Variants in ANK3 observed in about 807,000 individuals in gnomAD.
ANK3 encodes ankyrin-3.
In ANK3, 57 loss-of-function variants were observed where a neutral mutation model predicts 370.9. That is an observed-to-expected ratio of 0.15 (90% confidence interval 0.12 to 0.19). The LOEUF is 0.19. ANK3 is among the 10% of genes least tolerant of loss of function. ANK3 has a pLI of 1.00. For synonymous variants in ANK3, 1,929 were observed against 1,946.3 expected (o/e 0.99, Z 0.23); for missense variants, 4,439 against 5,302.1 (o/e 0.84, Z 5.06).
In ANK3 at chr10:60,075,781, G is replaced by C; in HGVS notation, c.5100C>G (p.Leu1700=). 1 of 1,614,168 alleles carries C rather than the reference G, an allele frequency of 6.2e-7. No homozygotes were observed. Among genetic ancestry groups the C allele is most frequent in the Non-Finnish European group, 8.5e-7 (1 of 1,180,000 alleles). The part of the protein sequence containing the change: ...SSAKITMASS[L]SSPVKQMPGH... ...CAGGCATCTGCTTCACAGGTGATGAGAGAGAAGATGCCATTGTAATTTTGG... is the reference window on the plus strand; with the variant it reads ...CAGGCATCTGCTTCACAGGTGATGACAGAGAAGATGCCATTGTAATTTTGG... Residue 1700 remains leucine (L), a synonymous_variant, in exon 37 of 44, where the codon CTC becomes CTG. Transcript: ENST00000280772.
chr10:60,194,639 T>C (rs995521825), intron 16 of ANK3, among the ~76,000 whole-genome samples: 1 of 152,236 alleles, frequency 6.6e-6, no homozygotes, highest in Non-Finnish European at 1.5e-5. Flanking sequence ...ACAGTGAGTA[T>C]ATGCATTCAT....
At chr10:60,454,950 T>C (rs2064708893) in intron 2 of ANK3, among the ~76,000 whole-genome samples, 1 of 152,198 alleles carries the variant, frequency 6.6e-6, no homozygotes, top group Non-Finnish European at 1.5e-5. Context: ...TTGGACATTA[T>C]TGTAAAAACT....
At chr10:60,654,318 A>G (rs992728148) in intron 1 of ANK3, among the ~76,000 whole-genome samples, 3 of 152,150 alleles carry the variant, frequency 2.0e-5, no homozygotes, top group South Asian at 4.2e-4. Context: ...GCTTTACTAC[A>G]TTAATTAGGA....
chr10:60,498,998 T>C (rs2075729012), intron 2 of ANK3, among the ~76,000 whole-genome samples: 1 of 152,238 alleles, frequency 6.6e-6, no homozygotes, highest in African/African-American at 2.4e-5. Flanking sequence ...TCTCACAGTA[T>C]CTTAATCACA....
intron 25 of ANK3, among the ~76,000 whole-genome samples, chr10:60,128,440 C>A (rs530809600): frequency 6.6e-6 from 1 of 151,240 alleles, no homozygotes; most frequent in South Asian, 2.1e-4. Context: ...AGTGCAGTGG[C>A]GCAATCTCAG....
chr10:60,395,593 T>C (rs914019721), intron 2 of ANK3, among the ~76,000 whole-genome samples: 1 of 124,820 alleles, frequency 8.0e-6, no homozygotes, highest in East Asian at 2.5e-4. Context: ...TCTTTCTTTC[T>C]TTCTTTCTTT....
intron 43 of ANK3, among the ~76,000 whole-genome samples, chr10:60,038,825 C>A (rs1217993839): frequency 6.6e-6 from 1 of 152,164 alleles, no homozygotes; most frequent in Non-Finnish European, 1.5e-5. Context: ...ACTGATCTAT[C>A]ATTTCTTCAA....
In ANK3 at chr10:60,284,499, A is replaced by G. The variant is rs143785662; in HGVS notation, c.115-4860T>C. Among the ~76,000 whole-genome samples the G allele has an allele frequency of 9.3e-4, 142 of 152,286 alleles. 1 individual carries two copies. The highest frequency in any genetic ancestry group is 3.2e-3 in the African/African-American group (133 of 41,556). Reference sequence around the variant, plus strand: ...CAAACCCAGTCTGGCTCTGGAGTCTAGGCTGTTAATCACCATTCTAAGAAA... The same window carrying G: ...CAAACCCAGTCTGGCTCTGGAGTCTGGGCTGTTAATCACCATTCTAAGAAA... On this transcript the variant is annotated intron_variant, in intron 1 of 43. Coordinates refer to ENST00000280772, the MANE Select transcript of ANK3 (RefSeq NM_020987.5).
intron 23 of ANK3, among the ~76,000 whole-genome samples, chr10:60,164,656 G>A (rs2095578481): frequency 6.6e-6 from 1 of 152,128 alleles, no homozygotes; most frequent in African/African-American, 2.4e-5. Flanking sequence ...GATGCTACAG[G>A]AAGTTCAATA....
chr10:60,586,958 A>G (rs1236433941), intron 2 of ANK3, among the ~76,000 whole-genome samples: 1 of 152,210 alleles, frequency 6.6e-6, no homozygotes, highest in Non-Finnish European at 1.5e-5. Context: ...TAGATGTATT[A>G]GTCCATTTTC....
chr10:60,336,813 T>C (rs1033317249), intron 1 of ANK3, among the ~76,000 whole-genome samples: 1 of 152,168 alleles, frequency 6.6e-6, no homozygotes, highest in African/African-American at 2.4e-5. Flanking sequence ...GAACAAAGTG[T>C]ATATTCAGTA....
chr10:60,290,634 TG>T (rs966314286), intron 1 of ANK3, among the ~76,000 whole-genome samples: 3 of 152,196 alleles, frequency 2.0e-5, no homozygotes, highest in African/African-American at 7.2e-5. Context: ...GCATGGATTT[TG>T]CTTGGAAGTA....
At chr10:60,217,780 C>T (rs2096964765) in intron 8 of ANK3, among the ~76,000 whole-genome samples, 1 of 152,102 alleles carries the variant, frequency 6.6e-6, no homozygotes, top group South Asian at 2.1e-4. Context: ...CCACTTTATC[C>T]AGAGCTGAAT....
chr10:60,100,461 C>T (rs1165652707), intron 28 of ANK3, among the ~76,000 whole-genome samples: 2 of 151,910 alleles, frequency 1.3e-5, no homozygotes, highest in African/African-American at 4.8e-5. Context: ...TTGAAATGAA[C>T]CCAATTGGCA....
chr10:60,565,336 A>C (rs2077433130), intron 2 of ANK3, among the ~76,000 whole-genome samples: 1 of 152,190 alleles, frequency 6.6e-6, no homozygotes. Context: ...CACTCCTCTG[A>C]GAATCAATGC....
chr10:60,395,572 C>CT (rs142109128), intron 2 of ANK3, among the ~76,000 whole-genome samples: 1,955 of 112,674 alleles, frequency 0.017, 11 homozygotes, highest in Non-Finnish European at 0.024. Context: ...TTCTTTCTTT[C>CT]TTTCTTTCTT....
At chr10:60,589,663 G>C (rs897685794) in intron 2 of ANK3, among the ~76,000 whole-genome samples, 1 of 151,724 alleles carries the variant, frequency 6.6e-6, no homozygotes, top group African/African-American at 2.4e-5. Flanking sequence ...CAACAAAACT[G>C]GTTTAAAGAA....
At chr10:60,366,171 C>G (rs140997054) in intron 1 of ANK3, among the ~76,000 whole-genome samples, 20,268 of 151,736 alleles carry the variant, frequency 0.13, 1,458 homozygotes, top group South Asian at 0.16. Context: ...AATCCCGTCT[C>G]TACTAAAAAT....
At chr10:60,467,842 C>A (rs536766112) in intron 2 of ANK3, among the ~76,000 whole-genome samples, 1 of 152,024 alleles carries the variant, frequency 6.6e-6, no homozygotes, top group Non-Finnish European at 1.5e-5. Flanking sequence ...TTTATGAATA[C>A]ATAAGTTGGA....
Sources: gnomAD v4.1 joint callset for allele counts (sites outside exome capture counted in the v4.1 genomes callset) on GRCh38, gnomAD v4.1.1 for gene constraint, MANE v1.5 for transcripts, NCBI Gene and HGNC (gene_info 2026-07-23, HGNC 2026-07-21) for gene names.